Variants in CAMLG observed in about 807,000 individuals in gnomAD.
CAMLG encodes guided entry of tail-anchored proteins factor CAMLG.
CAMLG carries 23 observed loss-of-function variants against 28.9 expected under a neutral mutation model. The ratio of observed to expected loss-of-function variants is 0.80; its 90% CI spans 0.57 to 1.13. The LOEUF (loss-of-function observed/expected upper bound fraction) is 1.13. CAMLG is among the 50% of genes most tolerant of loss of function. CAMLG has a pLI of 0.00. For missense variants in CAMLG, 367 were observed against 371.9 expected (o/e 0.99, Z 0.11); for synonymous variants, 141 against 146.5 (o/e 0.96, Z 0.27).
intron 3 of CAMLG, among the ~76,000 whole-genome samples, chr5:134,749,320 G>A (rs1295372079): frequency 6.6e-6 from 1 of 151,910 alleles, no homozygotes; most frequent in Non-Finnish European, 1.5e-5. Flanking sequence ...CACCCACCTC[G>A]ACCTCCCAAA....
chr5:134,748,786 A>T (rs957941389), intron 3 of CAMLG, among the ~76,000 whole-genome samples: 3 of 152,142 alleles, frequency 2.0e-5, no homozygotes, highest in African/African-American at 7.2e-5. Context: ...ATAGTAATCC[A>T]TGTAAGTGGG....
chr5:134,743,781 G>A (rs77282323), intron 2 of CAMLG, among the ~76,000 whole-genome samples: 1,904 of 152,054 alleles, frequency 0.013, 40 homozygotes, highest in African/African-American at 0.044. Flanking sequence ...CACGAGCATC[G>A]CTTGAATCTG....
chr5:134,748,755 G>A (rs1024717700), intron 3 of CAMLG, among the ~76,000 whole-genome samples: 2 of 152,068 alleles, frequency 1.3e-5, no homozygotes, highest in African/African-American at 4.8e-5. Flanking sequence ...TTTTTCCCAC[G>A]ATAGATTAGT....
At chr5:134,740,960 GGCT>G in intron 1 of CAMLG, 100 bp from the exon 2 acceptor site, 1 of 735,018 alleles carries the variant, frequency 1.4e-6, no homozygotes, top group Non-Finnish European at 2.2e-6. Flanking sequence ...TTGATGCAGA[GGCT>G]GCTGAGTTCT....
chr5:134,749,130 C>T (rs546999742), intron 3 of CAMLG, among the ~76,000 whole-genome samples: 9 of 151,448 alleles, frequency 5.9e-5, no homozygotes, highest in East Asian at 3.9e-4. Context: ...TGCAGTGGCA[C>T]GATCTCGGCT....
Position 134,743,480 on chromosome 5 carries a change from G to T in CAMLG, c.634-507G>T, listed in dbSNP as rs917139229. Among the ~76,000 whole-genome samples, 5 of 152,180 alleles carry T rather than the reference G, an allele frequency of 3.3e-5. No homozygotes were observed. In the East Asian group the frequency reaches 7.7e-4, roughly 24 times the overall value. Reference sequence around the variant, plus strand: ...TATTTTATGGGAGGCTGAGGCAGGAGAATTGCTTGGACTGGGGAGGCAGGG... The same window carrying T: ...TATTTTATGGGAGGCTGAGGCAGGATAATTGCTTGGACTGGGGAGGCAGGG... On this transcript the variant is annotated intron_variant, in intron 2 of 3. Transcript: ENST00000297156.
chr5:134,740,095 A>C (rs2150120545), intron 1 of CAMLG, among the ~76,000 whole-genome samples: 1 of 152,252 alleles, frequency 6.6e-6, no homozygotes, highest in East Asian at 1.9e-4. Context: ...ATGTTTCCTA[A>C]GCTGGTCTGG....
intron 3 of CAMLG, among the ~76,000 whole-genome samples, chr5:134,744,932 G>A (rs906781830): frequency 4.0e-5 from 6 of 151,464 alleles, no homozygotes; most frequent in Admixed American, 2.0e-4. Flanking sequence ...TGACATAGAC[G>A]ATAGCCTAAC....
chr5:134,739,394 G>A (rs1218143490), intron 1 of CAMLG, among the ~76,000 whole-genome samples: 1 of 152,176 alleles, frequency 6.6e-6, no homozygotes, highest in Non-Finnish European at 1.5e-5. Flanking sequence ...AAAAGTGAGA[G>A]TGAGCATTCT....
intron 2 of CAMLG, among the ~76,000 whole-genome samples, chr5:134,742,949 A>C (rs911864236): frequency 1.3e-5 from 2 of 152,180 alleles, no homozygotes; most frequent in Non-Finnish European, 2.9e-5. Context: ...CGTGTTAGCC[A>C]GGATGGTCTC....
At chr5:134,740,853 C>T (rs1752973639) in intron 1 of CAMLG, among the ~76,000 whole-genome samples, 2 of 152,204 alleles carry the variant, frequency 1.3e-5, no homozygotes, top group South Asian at 2.1e-4. Flanking sequence ...CATGATCCGC[C>T]CGCCTCAGCC....
intron 3 of CAMLG, among the ~76,000 whole-genome samples, chr5:134,748,930 A>T (rs1232117310): frequency 6.6e-6 from 1 of 152,134 alleles, no homozygotes; most frequent in Admixed American, 6.5e-5. Flanking sequence ...ACATTGTATG[A>T]CTATATCCAT....
intron 3 of CAMLG, among the ~76,000 whole-genome samples, chr5:134,747,604 C>A (rs190061758): frequency 6.6e-6 from 1 of 151,750 alleles, no homozygotes; most frequent in Non-Finnish European, 1.5e-5. Flanking sequence ...CCTCGGCCCC[C>A]CAAAGTGCTG....
intron 3 of CAMLG, among the ~76,000 whole-genome samples, chr5:134,744,307 T>G (rs1335740791): frequency 6.6e-6 from 1 of 151,950 alleles, no homozygotes; most frequent in East Asian, 1.9e-4. Context: ...GTGGATCACC[T>G]GAGGTCAGGA....
chr5:134,744,105 C>A (rs1450041853), intron 3 of CAMLG, 53 bp downstream of exon 3: 1 of 804,482 alleles, frequency 1.2e-6, no homozygotes, highest in Non-Finnish European at 2.1e-6. Flanking sequence ...TGATTTATGA[C>A]TAGCTAATTG....
At position 134,741,371 on chromosome 5, in the gene CAMLG, G is replaced by A. The variant is rs772043905; in HGVS notation, c.481G>A (p.Glu161Lys). ...AGAGCAGTACCTTTCCAGATTCGAA[G>A]AAGCAATGAAGCTAAGGAAACAGCT... is the stretch of plus-strand genomic sequence containing the variant. ...GLEQYLSRFE[E>K]AMKLRKQLIS... is the part of the protein sequence containing the mutation. The change falls in exon 2 of 4, where the codon GAA becomes AAA. Residue 161 changes from glutamate to lysine, a missense_variant. By Grantham distance (56) the Glu-to-Lys change is moderately conservative (BLOSUM62 1). Coordinates refer to ENST00000297156, the MANE Select transcript of CAMLG (RefSeq NM_001745.4). The A allele has an allele frequency of 6.0e-5, 97 of 1,614,096 alleles. No individual in the cohort carries two copies. The highest frequency in any genetic ancestry group is 8.0e-5 in the Non-Finnish European group (94 of 1,180,056).
chr5:134,738,951 C>T (rs1399914406), intron 1 of CAMLG, among the ~76,000 whole-genome samples, 159 bp downstream of exon 1: 1 of 152,136 alleles, frequency 6.6e-6, no homozygotes, highest in East Asian at 1.9e-4. Flanking sequence ...AAGTTCTCAT[C>T]CCTGAACCCC....
At chr5:134,750,524 C>T (rs746123730) in intron 3 of CAMLG, among the ~76,000 whole-genome samples, 6 of 150,508 alleles carry the variant, frequency 4.0e-5, no homozygotes, top group Non-Finnish European at 5.9e-5. Flanking sequence ...GGCAACAGAG[C>T]GAGACTCCAT....
chr5:134,742,446 A>T (rs2150121073), intron 2 of CAMLG, among the ~76,000 whole-genome samples: 1 of 152,328 alleles, frequency 6.6e-6, no homozygotes, highest in South Asian at 2.1e-4. Context: ...GTATATTATC[A>T]ATTTTCAAAT....
Sources: allele counts gnomAD v4.1 joint callset (sites outside exome capture counted in the v4.1 genomes callset), GRCh38; gene constraint gnomAD v4.1.1; transcripts MANE v1.5; gene names NCBI Gene and HGNC (gene_info 2026-07-23, HGNC 2026-07-21).